The following ZNRF3 variants were observed in gnomAD, a reference collection of about 807,000 sequenced individuals.
The protein encoded by ZNRF3 is E3 ubiquitin-protein ligase ZNRF3.
A neutral mutation model predicts 72.5 loss-of-function variants in ZNRF3; 23 were observed. That is an observed-to-expected ratio of 0.32 (90% CI 0.23 to 0.45). The LOEUF is 0.45. Among genes scored for constraint, ZNRF3 ranks in the 20% least tolerant of loss-of-function variants. The pLI is 1.00. For missense variants in ZNRF3, 1,169 were observed against 1,272.1 expected, an observed-to-expected ratio of 0.92 and a Z score of 1.23; for synonymous variants, 610 against 545.3, an observed-to-expected ratio of 1.12 and a Z score of -1.65.
At chr22:29,023,612 T>C (rs1316464759) in intron 2 of ZNRF3, among the ~76,000 whole-genome samples, 1 of 152,182 alleles carries the variant, frequency 6.6e-6, no homozygotes, top group African/African-American at 2.4e-5. Context: ...CTCCCACAAA[T>C]GGAGAAGCAG....
chr22:29,002,494 C>T (rs2036165593), intron 2 of ZNRF3, among the ~76,000 whole-genome samples: 1 of 152,208 alleles, frequency 6.6e-6, no homozygotes, highest in Non-Finnish European at 1.5e-5. Context: ...AAGCTTCCCA[C>T]CCCTGCTGCG....
intron 2 of ZNRF3, among the ~76,000 whole-genome samples, chr22:28,987,805 G>A (rs959207485): frequency 9.2e-5 from 14 of 152,134 alleles, no homozygotes; most frequent in South Asian, 2.1e-4. Flanking sequence ...AAAATGTTTC[G>A]GTTTTAGAGC....
chr22:28,929,695 C>T (rs1480089953), intron 1 of ZNRF3, among the ~76,000 whole-genome samples: 1 of 152,202 alleles, frequency 6.6e-6, no homozygotes, highest in Non-Finnish European at 1.5e-5. Flanking sequence ...TGGCAGATGA[C>T]AACTGAGTGT....
intron 1 of ZNRF3, among the ~76,000 whole-genome samples, chr22:28,933,752 ACT>A (rs372627987): frequency 0.04 from 1,642 of 40,728 alleles, 42 homozygotes; most frequent in East Asian, 0.073. Context: ...ACACACACTC[ACT>A]CTCTCTCTCT....
chr22:28,951,470 C>T (rs1041655311), intron 1 of ZNRF3, among the ~76,000 whole-genome samples: 1 of 152,156 alleles, frequency 6.6e-6, no homozygotes, highest in African/African-American at 2.4e-5. Flanking sequence ...CCAAGAAACA[C>T]CAAAGACTGC....
At chr22:28,917,519 A>G (rs2034430503) in intron 1 of ZNRF3, 2 of 883,878 alleles carry the variant, frequency 2.3e-6, no homozygotes, top group Non-Finnish European at 1.4e-6. Context: ...TGGGTAAGAT[A>G]TACTCTCTGT....
intron 1 of ZNRF3, among the ~76,000 whole-genome samples, chr22:28,907,170 T>G (rs984786038): frequency 2.6e-5 from 4 of 151,342 alleles, no homozygotes; most frequent in African/African-American, 9.7e-5. Flanking sequence ...TTTTTTGTAT[T>G]TTAGTAAAGA....
chr22:28,996,915 G>A (rs764721904), intron 2 of ZNRF3, among the ~76,000 whole-genome samples: 34 of 152,172 alleles, frequency 2.2e-4, no homozygotes, highest in Non-Finnish European at 4.7e-4. Context: ...GATATTGTGG[G>A]GATGAGGGGC....
chr22:29,043,751 A>G (rs2037011927), intron 4 of ZNRF3, among the ~76,000 whole-genome samples: 1 of 152,064 alleles, frequency 6.6e-6, no homozygotes, highest in Non-Finnish European at 1.5e-5. Flanking sequence ...ACTGAGGAGG[A>G]TTGAAGGGAT....
chr22:29,007,344 T>C (rs1601656867), intron 2 of ZNRF3, among the ~76,000 whole-genome samples: 1 of 152,218 alleles, frequency 6.6e-6, no homozygotes, highest in East Asian at 1.9e-4. Context: ...CCACTGAAAT[T>C]ATCTTGTTCA....
intron 1 of ZNRF3, among the ~76,000 whole-genome samples, chr22:28,899,897 C>T (rs955214121): frequency 8.6e-5 from 13 of 151,994 alleles, no homozygotes; most frequent in Non-Finnish European, 1.9e-4. Context: ...CAGTGTGTTG[C>T]CCAGGCTAGT....
At chr22:28,979,293 C>G (rs547274746) in intron 1 of ZNRF3, among the ~76,000 whole-genome samples, 51 of 152,320 alleles carry the variant, frequency 3.3e-4, no homozygotes, top group African/African-American at 1.2e-3. Context: ...TTGTTGCTGA[C>G]AGCAACTCCT....
intron 1 of ZNRF3, chr22:28,917,260 G>A: frequency 7.2e-6 from 1 of 138,406 alleles, no homozygotes; most frequent in Non-Finnish European, 1.2e-5. Context: ...TGGAGTGGTT[G>A]GGGATAAAAC....
At chr22:29,044,652 TTC>T in intron 4 of ZNRF3, 126 bp from the exon 5 acceptor site, 1 of 689,350 alleles carries the variant, frequency 1.5e-6, no homozygotes, top group South Asian at 1.7e-5. Context: ...CCCCAGGAGT[TTC>T]CTGCAAATTG....
chr22:28,984,597 A>G (rs1316206721), intron 1 of ZNRF3, among the ~76,000 whole-genome samples: 1 of 152,188 alleles, frequency 6.6e-6, no homozygotes, highest in East Asian at 1.9e-4. Flanking sequence ...AATACCTTGG[A>G]ATACTGGTTG....
At chr22:28,897,717 C>A (rs1224566566) in intron 1 of ZNRF3, among the ~76,000 whole-genome samples, 1 of 152,226 alleles carries the variant, frequency 6.6e-6, no homozygotes, top group Non-Finnish European at 1.5e-5. Context: ...CCTGTCCTAG[C>A]TCCTCCCATC....
At chr22:28,972,290 C>T (rs1224479405) in intron 1 of ZNRF3, among the ~76,000 whole-genome samples, 1 of 152,164 alleles carries the variant, frequency 6.6e-6, no homozygotes, top group Non-Finnish European at 1.5e-5. Context: ...CATTCTTCTA[C>T]CTCCCCAGTG....
intron 2 of ZNRF3, chr22:29,031,593 A>C (rs1299018782): frequency 1.0e-6 from 1 of 985,554 alleles, no homozygotes; most frequent in South Asian, 4.7e-5. Context: ...GTCACTACTA[A>C]GTGAAGAACT....
At chr22:28,951,457 A>G (rs1205600661) in intron 1 of ZNRF3, among the ~76,000 whole-genome samples, 2 of 152,160 alleles carry the variant, frequency 1.3e-5, no homozygotes, top group African/African-American at 4.8e-5. Context: ...ATGATTCCAC[A>G]AGCCAAGAAA....
Sources: gnomAD v4.1 joint callset for allele counts (sites outside exome capture counted in the v4.1 genomes callset) on GRCh38, gnomAD v4.1.1 for gene constraint, MANE v1.5 for transcripts, NCBI Gene and HGNC (gene_info 2026-07-23, HGNC 2026-07-21) for gene names.